Variants in FRMD6 observed in about 807,000 individuals in gnomAD.
FRMD6 encodes FERM domain containing 6.
A neutral mutation model predicts 73.2 loss-of-function variants in FRMD6; 37 were observed. The ratio of observed to expected loss-of-function variants is 0.51; its 90% confidence interval spans 0.39 to 0.66. The LOEUF is 0.66. Among genes scored for constraint, FRMD6 ranks in the 30% least tolerant of loss-of-function variants. The pLI, the probability that FRMD6 is intolerant of heterozygous loss-of-function variation, is 0.00. For synonymous variants in FRMD6, 273 were observed against 282.2 expected (o/e 0.97, Z 0.33); for missense variants, 714 against 780.5 (o/e 0.91, Z 1.02).
At position 51,708,150 on chromosome 14, in the gene FRMD6, A is replaced by G; in HGVS notation, c.631A>G (p.Thr211Ala). ...PNMHKDQFAL[T>A]ASEAHLKYIK... The stretch of plus-strand genomic sequence containing the variant: ...CATGCACAAAGATCAGTTTGCACTA[A>G]CAGCTTCCGAAGCTCATCTTAAATA... The change falls in exon 7 of 14, where the codon ACA becomes GCA. Residue 211 changes from threonine to alanine, a missense_variant. Coordinates refer to ENST00000344768, the MANE Select transcript of FRMD6 (RefSeq NM_001267046.2). The G allele has an allele frequency of 1.2e-6, 2 of 1,613,350 alleles. No homozygotes were observed. Among genetic ancestry groups the G allele is most frequent in the East Asian group, 2.2e-5 (1 of 44,856 alleles).
intron 1 of FRMD6, among the ~76,000 whole-genome samples, chr14:51,687,971 C>T (rs1436875946): frequency 6.6e-6 from 1 of 152,180 alleles, no homozygotes; most frequent in Non-Finnish European, 1.5e-5. Flanking sequence ...ATACCTAGCT[C>T]TGACCCTGGA....
chr14:51,432,711 C>T, the FRMD6 span, among the ~76,000 whole-genome samples: 1 of 152,160 alleles, frequency 6.6e-6, no homozygotes, highest in Non-Finnish European at 1.5e-5. Flanking sequence ...TTGGTTAAGA[C>T]ACCAACCAAA....
chr14:51,722,445 A>G (rs1297944587), intron 12 of FRMD6, among the ~76,000 whole-genome samples: 1 of 152,204 alleles, frequency 6.6e-6, no homozygotes, highest in Non-Finnish European at 1.5e-5. Flanking sequence ...CTATAGTTCA[A>G]AGAGGACAAA....
intron 10 of FRMD6, among the ~76,000 whole-genome samples, chr14:51,716,613 C>T (rs1213713803): frequency 2.0e-5 from 3 of 152,112 alleles, no homozygotes; most frequent in Admixed American, 6.5e-5. Context: ...AAATGAGACC[C>T]GGTTTGGCAA....
At chr14:51,649,730 T>G (rs2140073553), upstream of FRMD6, 1 of 152,304 alleles carries the variant, frequency 6.6e-6, no homozygotes, top group Admixed American at 6.5e-5. Flanking sequence ...TTATCCAATT[T>G]TTAACTTTAG....
chr14:51,591,661 G>C (rs1889404650), intron 2 of FRMD6, among the ~76,000 whole-genome samples: 1 of 152,144 alleles, frequency 6.6e-6, no homozygotes, highest in African/African-American at 2.4e-5. Flanking sequence ...TCCTGCCTCA[G>C]CCTCCCAGTT....
the FRMD6 span, among the ~76,000 whole-genome samples, chr14:51,407,418 T>C: frequency 6.6e-6 from 1 of 151,844 alleles, no homozygotes; most frequent in African/African-American, 2.4e-5. Flanking sequence ...TGTTTGGTAA[T>C]TTTTGTTAGT....
At chr14:51,473,554 A>G in the FRMD6 span, among the ~76,000 whole-genome samples, 1 of 152,236 alleles carries the variant, frequency 6.6e-6, no homozygotes, top group African/African-American at 2.4e-5. Context: ...AAATTTGAAC[A>G]GATTGAAACT....
chr14:51,495,335 T>C (rs1354341833), intron 1 of FRMD6, among the ~76,000 whole-genome samples: 2 of 152,268 alleles, frequency 1.3e-5, no homozygotes, highest in Non-Finnish European at 2.9e-5. Flanking sequence ...AGGCATTCTC[T>C]ACAGCTCTTC....
intron 2 of FRMD6, among the ~76,000 whole-genome samples, chr14:51,583,662 T>C (rs1039819170): frequency 6.6e-6 from 1 of 152,206 alleles, no homozygotes; most frequent in South Asian, 2.1e-4. Flanking sequence ...CAGCAGCTCC[T>C]AAGTAGCAGA....
At chr14:51,651,794 T>C (rs573907865), upstream of FRMD6, 8 of 77,956 alleles carry the variant, frequency 1.0e-4, no homozygotes, top group Non-Finnish European at 2.0e-4. Flanking sequence ...TTGGGGCGGG[T>C]CGGGGGCGGG....
At chr14:51,609,052 T>G (rs1481095826) in intron 2 of FRMD6, among the ~76,000 whole-genome samples, 1 of 152,228 alleles carries the variant, frequency 6.6e-6, no homozygotes, top group Non-Finnish European at 1.5e-5. Flanking sequence ...TCAATTACAT[T>G]TTTAATTTCA....
At position 51,670,823 on chromosome 14, in the gene FRMD6, T is replaced by A. The variant is rs112196255; in HGVS notation, c.-147+18827T>A. 1.1e-4 allele frequency among the ~76,000 whole-genome samples: 17 copies of A among 152,136 alleles called. No homozygotes were observed. In the South Asian group the frequency reaches 3.3e-3, roughly 30 times the overall value. ...ACCACTCCCGGCTAATTTTTTGTAT[T>A]TTTAGTAGAGATGGGGTTTCGTCAT... On this transcript the variant is annotated intron_variant, in intron 1 of 13. Transcript: ENST00000344768.
intron 2 of FRMD6, among the ~76,000 whole-genome samples, chr14:51,585,828 A>G: frequency 6.7e-6 from 1 of 149,610 alleles, no homozygotes; most frequent in Non-Finnish European, 1.5e-5. Flanking sequence ...TCTGTTTCTG[A>G]GTCATTTCAC....
intron 1 of FRMD6, among the ~76,000 whole-genome samples, chr14:51,500,174 T>A (rs561532233): frequency 8.5e-5 from 13 of 152,292 alleles, no homozygotes; most frequent in African/African-American, 3.1e-4. Flanking sequence ...CAGTTACATA[T>A]TTTGGGAGAT....
rs186889590 is a variant in FRMD6 at position 51,624,623 on chromosome 14, A to G, written c.-147+54213A>G. ...GAATTTCTATATCTAGCCCATTGCT[A>G]TCTTTTATAAAATGGCCTCTGTAAG... On this transcript the variant is annotated intron_variant, in intron 2 of 14. Coordinates refer to the FRMD6 transcript ENST00000356218. Among the ~76,000 whole-genome samples the G allele has an allele frequency of 2.0e-5, 3 of 152,282 alleles. No individual in the cohort carries two copies. In the East Asian group the frequency reaches 5.8e-4, roughly 29 times the overall value.
chr14:51,647,180 T>C (rs1325783779), upstream of FRMD6, among the ~76,000 whole-genome samples: 1 of 152,172 alleles, frequency 6.6e-6, no homozygotes, highest in Non-Finnish European at 1.5e-5. Context: ...CAAAATTTGA[T>C]GATCAGGAGA....
chr14:51,506,585 C>T (rs1883975697), intron 1 of FRMD6, among the ~76,000 whole-genome samples: 2 of 152,188 alleles, frequency 1.3e-5, no homozygotes, highest in Non-Finnish European at 1.5e-5. Context: ...TCATTTGCTG[C>T]TGGATGCTTG....
At chr14:51,636,228 A>T (rs1891554621) in intron 2 of FRMD6, among the ~76,000 whole-genome samples, 1 of 152,214 alleles carries the variant, frequency 6.6e-6, no homozygotes, top group Non-Finnish European at 1.5e-5. Flanking sequence ...TGTGAAGGAC[A>T]ATTGAGGTTT....
Sources: gnomAD v4.1 joint callset for allele counts (sites outside exome capture counted in the v4.1 genomes callset) on GRCh38, gnomAD v4.1.1 for gene constraint, MANE v1.5 for transcripts, NCBI Gene and HGNC (gene_info 2026-07-23, HGNC 2026-07-21) for gene names.